The following SH3GL3 variants were observed in gnomAD, a reference collection of about 807,000 sequenced individuals.
SH3GL3 encodes SH3 domain containing GRB2 like 3, endophilin A3.
In SH3GL3, 33 loss-of-function variants were observed where a neutral mutation model predicts 47.7. That is an observed-to-expected ratio of 0.69 (90% CI 0.52 to 0.92). SH3GL3 has a LOEUF of 0.92. SH3GL3 is among the 40% of genes least tolerant of loss of function. The probability of loss-of-function intolerance (pLI) is 0.00; values close to 1 mark genes in which losing one functional copy is unlikely to be tolerated. For missense variants in SH3GL3, 363 were observed against 417.8 expected, an observed-to-expected ratio of 0.87 and a Z score of 1.14; for synonymous variants, 155 against 148.8, an observed-to-expected ratio of 1.04 and a Z score of -0.30.
chr15:83,505,920 A>C (rs144678662), intron 1 of SH3GL3, among the ~76,000 whole-genome samples: 3 of 152,272 alleles, frequency 2.0e-5, no homozygotes, highest in Non-Finnish European at 1.5e-5. Flanking sequence ...AGTTCTTTAC[A>C]TATTCTGGAC....
At chr15:83,479,075 C>G (rs1424794313) in intron 1 of SH3GL3, among the ~76,000 whole-genome samples, 2 of 152,320 alleles carry the variant, frequency 1.3e-5, no homozygotes, top group African/African-American at 4.8e-5. Flanking sequence ...TGATATCACA[C>G]ATTTCCGTCG....
chr15:83,552,428 T>A (rs1329095812), intron 1 of SH3GL3, among the ~76,000 whole-genome samples: 1 of 152,220 alleles, frequency 6.6e-6, no homozygotes, highest in Non-Finnish European at 1.5e-5. Context: ...ATTTTAAAAT[T>A]TTGTGCTGAT....
At chr15:83,621,500 T>C (rs1463567245), downstream of SH3GL3, among the ~76,000 whole-genome samples, 2 of 152,156 alleles carry the variant, frequency 1.3e-5, no homozygotes, top group Admixed American at 6.6e-5. Flanking sequence ...CCATCTTATA[T>C]AGGCATTGTT....
chr15:83,494,643 A>G (rs1318150680), intron 1 of SH3GL3, among the ~76,000 whole-genome samples: 1 of 151,498 alleles, frequency 6.6e-6, no homozygotes, highest in Non-Finnish European at 1.5e-5. Flanking sequence ...CCCGGGTTCA[A>G]GCGATTCTCC....
chr15:83,601,285 G>A (rs117542265), intron 8 of SH3GL3, among the ~76,000 whole-genome samples: 2,984 of 152,246 alleles, frequency 0.02, 36 homozygotes, highest in Non-Finnish European at 0.031. Flanking sequence ...AGTTCTCAGC[G>A]GAAATGCTTT....
intron 1 of SH3GL3, among the ~76,000 whole-genome samples, chr15:83,529,695 C>T (rs1440883040): frequency 7.5e-6 from 1 of 133,000 alleles, no homozygotes; most frequent in African/African-American, 2.9e-5. Context: ...AAGTGCGCAG[C>T]ATCCCTGCTG....
chr15:83,476,350 A>G (rs1225128267), intron 1 of SH3GL3, among the ~76,000 whole-genome samples: 1 of 152,222 alleles, frequency 6.6e-6, no homozygotes, highest in East Asian at 1.9e-4. Context: ...CCATTGCATG[A>G]AATAAATCTG....
At chr15:83,484,735 A>T (rs2041516619) in intron 1 of SH3GL3, among the ~76,000 whole-genome samples, 1 of 152,110 alleles carries the variant, frequency 6.6e-6, no homozygotes, top group African/African-American at 2.4e-5. Context: ...GCATGCATTT[A>T]TATTAAACTT....
chr15:83,630,514 C>T, the SH3GL3 span, among the ~76,000 whole-genome samples: 2 of 152,126 alleles, frequency 1.3e-5, no homozygotes, highest in Non-Finnish European at 2.9e-5. Context: ...AATTGACTCA[C>T]AGTTCCTGAG....
intron 2 of SH3GL3, among the ~76,000 whole-genome samples, chr15:83,560,697 A>G (rs1189682713): frequency 1.3e-5 from 2 of 152,224 alleles, no homozygotes; most frequent in Non-Finnish European, 2.9e-5. Flanking sequence ...ATGGAAACAT[A>G]TAATACATGA....
At chr15:83,499,379 G>A (rs1596115674) in intron 1 of SH3GL3, among the ~76,000 whole-genome samples, 1 of 135,426 alleles carries the variant, frequency 7.4e-6, no homozygotes. Context: ...CAGCCTGGGC[G>A]ACAGAGACTC....
At chr15:83,565,073 G>A in intron 2 of SH3GL3, 61 bp from the exon 3 acceptor site, 1 of 689,296 alleles carries the variant, frequency 1.5e-6, no homozygotes. Context: ...TCCTCTATTT[G>A]CTCTTTTGTG....
At chr15:83,498,978 C>T (rs909134126) in intron 1 of SH3GL3, among the ~76,000 whole-genome samples, 3 of 152,186 alleles carry the variant, frequency 2.0e-5, no homozygotes, top group African/African-American at 7.2e-5. Context: ...CCACCTCCTT[C>T]TATTGTCCTC....
intron 1 of SH3GL3, among the ~76,000 whole-genome samples, chr15:83,460,684 G>T (rs1453625781): frequency 4.6e-5 from 7 of 152,150 alleles, no homozygotes; most frequent in African/African-American, 1.7e-4. Context: ...AAAATTATAT[G>T]TGTGCGGATG....
intron 1 of SH3GL3, among the ~76,000 whole-genome samples, chr15:83,502,103 A>C (rs767142638): frequency 9.5e-4 from 144 of 152,372 alleles, no homozygotes; most frequent in Non-Finnish European, 1.6e-3. Context: ...AAGTTCTTAG[A>C]AGAAGTGGTG....
chr15:83,525,351 C>CATGT (rs145469175), intron 1 of SH3GL3, among the ~76,000 whole-genome samples: 3 of 147,982 alleles, frequency 2.0e-5, no homozygotes, highest in African/African-American at 7.5e-5. Flanking sequence ...ATTCTTTGTG[C>CATGT]GTGTGTGTGT....
At chr15:83,613,687 A>G (rs530724494) in intron 8 of SH3GL3, among the ~76,000 whole-genome samples, 60 of 152,100 alleles carry the variant, frequency 3.9e-4, no homozygotes, top group Middle Eastern at 6.8e-3. Flanking sequence ...TTAGCCCTGT[A>G]ATCAGTGTGT....
At chr15:83,608,857 G>A (rs2060594540) in intron 8 of SH3GL3, among the ~76,000 whole-genome samples, 1 of 151,814 alleles carries the variant, frequency 6.6e-6, no homozygotes, top group African/African-American at 2.4e-5. Flanking sequence ...GGAGACTTGG[G>A]GTCCCATTCC....
At chr15:83,508,874 G>C (rs1012771633) in intron 1 of SH3GL3, among the ~76,000 whole-genome samples, 2 of 152,164 alleles carry the variant, frequency 1.3e-5, no homozygotes, top group African/African-American at 2.4e-5. Flanking sequence ...GATTACAGGC[G>C]TGAGCCACTG....
Sources: gnomAD v4.1 joint callset for allele counts (sites outside exome capture counted in the v4.1 genomes callset) on GRCh38, gnomAD v4.1.1 for gene constraint, MANE v1.5 for transcripts, NCBI Gene and HGNC (gene_info 2026-07-23, HGNC 2026-07-21) for gene names.